The following MAGI3 variants were observed in gnomAD, a reference collection of about 807,000 sequenced individuals.
MAGI3 encodes the protein membrane associated guanylate kinase, WW and PDZ domain containing 3.
Under a neutral mutation model 121.8 loss-of-function variants are expected in MAGI3, and 43 were observed. That is an observed-to-expected ratio of 0.35 (90% confidence interval 0.28 to 0.46). MAGI3 has a LOEUF of 0.46. Ranked by LOEUF, MAGI3 falls within the 20% of genes least tolerant of loss-of-function variation. The pLI, the probability that MAGI3 is intolerant of heterozygous loss-of-function variation, is 1.00. For missense variants in MAGI3, 1,547 were observed against 1,797.3 expected, an observed-to-expected ratio of 0.86 and a Z score of 2.52; for synonymous variants, 553 against 639.3, an observed-to-expected ratio of 0.86 and a Z score of 2.04.
intron 9 of MAGI3, among the ~76,000 whole-genome samples, chr1:113,632,404 G>T (rs537722266): frequency 1.3e-5 from 2 of 152,222 alleles, no homozygotes; most frequent in East Asian, 3.8e-4. Context: ...AAAATTCTGG[G>T]AGCTTTAATA....
chr1:113,474,946 G>T (rs1416185247), intron 1 of MAGI3, among the ~76,000 whole-genome samples: 1 of 152,082 alleles, frequency 6.6e-6, no homozygotes, highest in Admixed American at 6.6e-5. Context: ...CCTTGAAGAG[G>T]TCCTTCACAT....
At chr1:113,398,790 TA>T (rs1651249935) in intron 1 of MAGI3, among the ~76,000 whole-genome samples, 1 of 152,116 alleles carries the variant, frequency 6.6e-6, no homozygotes, top group South Asian at 2.1e-4. Flanking sequence ...TCCAATAAAA[TA>T]ACTTTTAAAA....
In MAGI3 at chr1:113,494,720, G is replaced by A. The variant is rs543339623; in HGVS notation, c.317-54795G>A. Among the ~76,000 whole-genome samples the A allele has an allele frequency of 1.8e-4, 28 of 152,236 alleles. No homozygotes were observed. In the East Asian group the frequency reaches 5.4e-3, roughly 29 times the overall value. On this transcript the variant is annotated intron_variant, in intron 1 of 20. Coordinates refer to ENST00000307546, the MANE Select transcript of MAGI3 (RefSeq NM_001142782.2). ...TATGCATGGGTCACTGACAATCAAT[G>A]TGTCTGTAAACAACTCTGTTGTAGT... is the stretch of plus-strand genomic sequence containing the variant.
intron 16 of MAGI3, among the ~76,000 whole-genome samples, chr1:113,671,426 GCT>G (rs1375866075): frequency 3.3e-5 from 5 of 152,044 alleles, no homozygotes; most frequent in African/African-American, 1.2e-4. Flanking sequence ...AGTTCCTGGA[GCT>G]CTGTCTTCTA....
chr1:113,533,576 C>T (rs1028817417), intron 1 of MAGI3, among the ~76,000 whole-genome samples: 1 of 151,798 alleles, frequency 6.6e-6, no homozygotes, highest in Non-Finnish European at 1.5e-5. Flanking sequence ...GTGTATCCCC[C>T]GAACCTAAAG....
At chr1:113,433,441 A>G (rs1314901065) in intron 1 of MAGI3, among the ~76,000 whole-genome samples, 1 of 152,214 alleles carries the variant, frequency 6.6e-6, no homozygotes, top group Non-Finnish European at 1.5e-5. Context: ...AGGGATTAAC[A>G]TTTGGTTTAT....
chr1:113,505,512 T>TAATAAGTAAATA (rs1657277642), intron 1 of MAGI3, among the ~76,000 whole-genome samples: 1 of 135,610 alleles, frequency 7.4e-6, no homozygotes, highest in Non-Finnish European at 1.6e-5. Context: ...GGTCCCTACA[T>TAATAAGTAAATA]AATAAATAAA....
At chr1:113,449,779 A>C (rs1654386949) in intron 1 of MAGI3, 1 of 1,070,956 alleles carries the variant, frequency 9.3e-7, no homozygotes, top group African/African-American at 1.5e-5. Context: ...ACTACAGATG[A>C]TAGTTTAAGA....
chr1:113,602,390 T>G (rs1649458993), intron 6 of MAGI3, among the ~76,000 whole-genome samples: 1 of 152,076 alleles, frequency 6.6e-6, no homozygotes, highest in Non-Finnish European at 1.5e-5. Context: ...AAAATCAAGA[T>G]GGAAGTGTTA....
intron 2 of MAGI3, among the ~76,000 whole-genome samples, chr1:113,575,438 A>G (rs1176392482): frequency 6.6e-6 from 1 of 152,126 alleles, no homozygotes; most frequent in Non-Finnish European, 1.5e-5. Context: ...CCCTTCTAAT[A>G]GTCAGGCCCC....
At chr1:113,503,219 TAAAAAAAAAAAA>T (rs869272201) in intron 1 of MAGI3, among the ~76,000 whole-genome samples, 50 of 8,986 alleles carry the variant, frequency 5.6e-3, no homozygotes, top group South Asian at 0.031. Flanking sequence ...AGAGTATAAT[TAAAAAAAAAAAA>T]AAAAAAAAAA....
At position 113,673,310 on chromosome 1, in the gene MAGI3, CTT is replaced by C. The variant is rs754855084; in HGVS notation, c.3046-10_3046-9del. 34 of 1,605,978 alleles carry C rather than the reference CTT, an allele frequency of 2.1e-5. No individual in the cohort carries two copies. Among genetic ancestry groups the C allele is most frequent in the Non-Finnish European group, 1.7e-6 (2 of 1,178,322 alleles). On this transcript the variant is annotated splice_polypyrimidine_tract_variant and intron_variant, in intron 18 of 20. Transcript: ENST00000307546. ...ATGAGAACTTGCTTTTCTTATACTT[CTT>C]TCTCTCTAGAACCTTGGTTGTTATC...
At chr1:113,475,062 G>A (rs1446225472) in intron 1 of MAGI3, among the ~76,000 whole-genome samples, 1 of 152,168 alleles carries the variant, frequency 6.6e-6, no homozygotes, top group Non-Finnish European at 1.5e-5. Flanking sequence ...GTATAGGAAT[G>A]CTTGTGATTT....
In MAGI3 at chr1:113,605,975, T is replaced by TA. The variant is rs748374737; in HGVS notation, c.1019-8626_1019-8625insA. 1.9e-3 allele frequency among the ~76,000 whole-genome samples: 236 copies of TA among 121,060 alleles called. 1 individual carries two copies. Among genetic ancestry groups the TA allele is most frequent in the Non-Finnish European group, 3.2e-3 (188 of 59,078 alleles). The allele number at this position is 121,060 out of a possible 152,430, so 79.4% of individuals were successfully genotyped here. A position where few individuals can be genotyped will look rare whatever the true frequency, so the allele number is the denominator to read the frequency against. ...TTGTAAATTATACCTCAATTATTAT[T>TA]CTTTTTTTGAGACAGAGTCTCTCTC... is the stretch of plus-strand genomic sequence containing the variant. On this transcript the variant is annotated intron_variant, in intron 6 of 20. Coordinates refer to ENST00000307546, the MANE Select transcript of MAGI3 (RefSeq NM_001142782.2).
At chr1:113,538,513 G>A (rs1659110084) in intron 1 of MAGI3, among the ~76,000 whole-genome samples, 1 of 152,104 alleles carries the variant, frequency 6.6e-6, no homozygotes, top group African/African-American at 2.4e-5. Flanking sequence ...ATTGTAAATA[G>A]CCTCAGGATA....
At chr1:113,436,506 G>A (rs1653572712) in intron 1 of MAGI3, among the ~76,000 whole-genome samples, 1 of 152,124 alleles carries the variant, frequency 6.6e-6, no homozygotes, top group African/African-American at 2.4e-5. Flanking sequence ...CCGTAGATCA[G>A]CAAGGAGGTT....
intron 1 of MAGI3, among the ~76,000 whole-genome samples, chr1:113,455,446 A>T (rs1570700571): frequency 1.3e-5 from 2 of 151,960 alleles, no homozygotes; most frequent in East Asian, 3.9e-4. Flanking sequence ...CAAGATAAAG[A>T]TAGATACTTT....
At chr1:113,572,688 T>C (rs1359632827) in intron 2 of MAGI3, among the ~76,000 whole-genome samples, 3 of 152,200 alleles carry the variant, frequency 2.0e-5, no homozygotes, top group Non-Finnish European at 1.5e-5. Context: ...TATAGAGGCA[T>C]TTATGGTATT....
chr1:113,626,774 T>C (rs1329058115), intron 9 of MAGI3, among the ~76,000 whole-genome samples: 1 of 152,234 alleles, frequency 6.6e-6, no homozygotes, highest in Non-Finnish European at 1.5e-5. Context: ...ATCCTTTGAA[T>C]TTCTGCAGTA....
Sources: gnomAD v4.1 joint callset for allele counts (sites outside exome capture counted in the v4.1 genomes callset) on GRCh38, gnomAD v4.1.1 for gene constraint, MANE v1.5 for transcripts, NCBI Gene and HGNC (gene_info 2026-07-23, HGNC 2026-07-21) for gene names.